Variants in CNTN5 observed in about 807,000 individuals in gnomAD.
The protein encoded by CNTN5 is contactin-5.
A neutral mutation model predicts 129.1 loss-of-function variants in CNTN5; 77 were observed. The observed-to-expected ratio is 0.60, with a 90% CI of 0.50 to 0.72. The LOEUF (loss-of-function observed/expected upper bound fraction) is 0.72, where lower values mean the gene tolerates loss of function less well. Ranked by LOEUF, CNTN5 falls within the 30% of genes least tolerant of loss-of-function variation. The probability of loss-of-function intolerance (pLI) is 0.00; values close to 1 mark genes in which losing one functional copy is unlikely to be tolerated. For synonymous variants in CNTN5, 509 were observed against 465.6 expected (o/e 1.09, Z -1.20); for missense variants, 1,478 against 1,328.8 (o/e 1.11, Z -1.75).
chr11:99,255,243 A>G (rs910811963), intron 1 of CNTN5, among the ~76,000 whole-genome samples: 1 of 151,872 alleles, frequency 6.6e-6, no homozygotes, highest in East Asian at 1.9e-4. Context: ...TATTTTTAAA[A>G]TATATCCAGA....
At chr11:100,181,981 G>T (rs1948151251) in intron 13 of CNTN5, among the ~76,000 whole-genome samples, 1 of 151,956 alleles carries the variant, frequency 6.6e-6, no homozygotes, top group South Asian at 2.1e-4. Flanking sequence ...ATTTGGAAAT[G>T]CAAAGGACAC....
chr11:99,825,888 C>T (rs1244837953), intron 4 of CNTN5, among the ~76,000 whole-genome samples: 1 of 151,950 alleles, frequency 6.6e-6, no homozygotes, highest in African/African-American at 2.4e-5. Context: ...AGAGACAATT[C>T]AAAAGAAAAT....
chr11:99,720,003 C>T (rs117103813), intron 3 of CNTN5, among the ~76,000 whole-genome samples: 1 of 151,966 alleles, frequency 6.6e-6, no homozygotes, highest in African/African-American at 2.4e-5. Context: ...CCTGAATAGA[C>T]CCAATAACAA....
chr11:99,834,973 C>T (rs565090973), intron 4 of CNTN5, among the ~76,000 whole-genome samples: 1 of 152,180 alleles, frequency 6.6e-6, no homozygotes, highest in Non-Finnish European at 1.5e-5. Flanking sequence ...CAGAGTAATT[C>T]AGGAGTTTCC....
chr11:100,000,011 G>T lies in CNTN5; in HGVS notation c.878-2023G>T, dbSNP rs867587465. ...ATCACACTCTGGGGACTGTTGTGGG[G>T]TGTGGGGAGCGGGGAGGGATAACAT... On this transcript the variant is annotated intron_variant, in intron 8 of 24. Coordinates refer to ENST00000524871, the MANE Select transcript of CNTN5 (RefSeq NM_014361.4). Among the ~76,000 whole-genome samples, 9 of 149,128 alleles carry T rather than the reference G, an allele frequency of 6.0e-5. No homozygotes were observed. The South Asian group carries it at 1.9e-3, about 32-fold the overall frequency.
chr11:100,314,138 C>T (rs976211229), intron 21 of CNTN5, among the ~76,000 whole-genome samples: 1 of 152,056 alleles, frequency 6.6e-6, no homozygotes, highest in Non-Finnish European at 1.5e-5. Flanking sequence ...CCCATCAGCA[C>T]CTTACTTGAT....
chr11:99,732,592 C>G (rs542614659), intron 3 of CNTN5, among the ~76,000 whole-genome samples: 1 of 152,264 alleles, frequency 6.6e-6, no homozygotes, highest in Admixed American at 6.5e-5. Context: ...AAAGCATCAG[C>G]TAAAGAAGGA....
chr11:99,881,446 T>C (rs1425605423), intron 6 of CNTN5, among the ~76,000 whole-genome samples: 1 of 152,228 alleles, frequency 6.6e-6, no homozygotes, highest in South Asian at 2.1e-4. Flanking sequence ...ATGGTACATT[T>C]CCTGAGAAAA....
intron 23 of CNTN5, among the ~76,000 whole-genome samples, chr11:100,346,280 A>G (rs866963893): frequency 4.1e-4 from 62 of 152,298 alleles, no homozygotes; most frequent in African/African-American, 1.3e-3. Context: ...TACTGGTGTT[A>G]CTAAAGAAAT....
intron 1 of CNTN5, among the ~76,000 whole-genome samples, chr11:99,201,402 T>TTCCTTCCTTCCTTCC (rs1859198040): frequency 1.4e-5 from 1 of 72,250 alleles, no homozygotes; most frequent in African/African-American, 5.8e-5. Flanking sequence ...TTCCTTCCCT[T>TTCCTTCCTTCCTTCC]CTTTCTTCCT....
chr11:100,318,220 A>AAT (rs1445321897), intron 21 of CNTN5, among the ~76,000 whole-genome samples: 1 of 149,682 alleles, frequency 6.7e-6, no homozygotes, highest in Non-Finnish European at 1.5e-5. Flanking sequence ...CAGCCTGGGC[A>AAT]ATAGAGCGAG....
chr11:99,193,764 C>T (rs571953940), intron 1 of CNTN5, among the ~76,000 whole-genome samples: 2 of 152,230 alleles, frequency 1.3e-5, no homozygotes, highest in African/African-American at 4.8e-5. Context: ...AATGCAAAGC[C>T]ATTTCAGGGG....
At position 100,002,049 on chromosome 11, in the gene CNTN5, A is replaced by G. The variant is rs773399049; in HGVS notation, c.893A>G (p.Tyr298Cys). The change falls in exon 9 of 25, where the codon TAT becomes TGT. Residue 298 changes from tyrosine (Y) to cysteine (C), a missense_variant. By Grantham distance (194) the Tyr-to-Cys change is radical (BLOSUM62 -2). Coordinates refer to ENST00000524871, the MANE Select transcript of CNTN5 (RefSeq NM_014361.4). ...TLRNDGVMGEYEPKIEVHFPF... is the reference protein window; with the variant it reads ...TLRNDGVMGECEPKIEVHFPF... Reference sequence around the variant, plus strand: ...TCTTTCTAAGGTGTGATGGGAGAATATGAGCCGAAAATTGAGGTCCATTTT... The same window carrying G: ...TCTTTCTAAGGTGTGATGGGAGAATGTGAGCCGAAAATTGAGGTCCATTTT... 1.9e-6 allele frequency: 3 copies of G among 1,595,130 alleles called. No homozygotes were observed. Among genetic ancestry groups the G allele is most frequent in the Non-Finnish European group, 1.7e-6 (2 of 1,173,546 alleles).
At chr11:99,339,131 A>T (rs1315295245) in intron 2 of CNTN5, among the ~76,000 whole-genome samples, 1 of 151,604 alleles carries the variant, frequency 6.6e-6, no homozygotes, top group Admixed American at 6.6e-5. Flanking sequence ...ATATTACAAC[A>T]TCTTATGTAC....
intron 4 of CNTN5, among the ~76,000 whole-genome samples, chr11:99,834,192 T>C (rs1193002779): frequency 6.6e-6 from 1 of 152,204 alleles, no homozygotes; most frequent in African/African-American, 2.4e-5. Context: ...GAATACCTAC[T>C]ACCTAACACT....
chr11:99,342,950 A>C (rs901184642), intron 2 of CNTN5, among the ~76,000 whole-genome samples: 1 of 152,188 alleles, frequency 6.6e-6, no homozygotes, highest in African/African-American at 2.4e-5. Context: ...ATTAAAAAAA[A>C]CTGAGATATA....
chr11:99,644,258 C>A (rs945691386), intron 3 of CNTN5, among the ~76,000 whole-genome samples: 3 of 152,104 alleles, frequency 2.0e-5, no homozygotes, highest in Non-Finnish European at 2.9e-5. Context: ...GCTCGTTTTG[C>A]TTTGAGTTCC....
At chr11:99,895,993 C>G (rs1212714179) in intron 6 of CNTN5, among the ~76,000 whole-genome samples, 2 of 152,182 alleles carry the variant, frequency 1.3e-5, no homozygotes, top group Non-Finnish European at 2.9e-5. Flanking sequence ...GCTTGGGTCC[C>G]CAGCACAGCC....
intron 2 of CNTN5, among the ~76,000 whole-genome samples, chr11:99,415,761 A>G (rs938377297): frequency 2.6e-5 from 4 of 152,152 alleles, no homozygotes; most frequent in African/African-American, 9.7e-5. Flanking sequence ...AATGTGAACT[A>G]ATTAACAGAT....
Sources: allele counts gnomAD v4.1 joint callset (sites outside exome capture counted in the v4.1 genomes callset), GRCh38; gene constraint gnomAD v4.1.1; transcripts MANE v1.5; gene names NCBI Gene and HGNC (gene_info 2026-07-23, HGNC 2026-07-21).